OR4M1: variants seen among roughly 807,000 people sequenced by gnomAD.
OR4M1 encodes the protein olfactory receptor 4M1.
A neutral mutation model predicts 9.8 loss-of-function variants in OR4M1; 7 were observed. The observed-to-expected ratio is 0.71, with a 90% CI of 0.41 to 1.34. The LOEUF (loss-of-function observed/expected upper bound fraction) is 1.34. Ranked by LOEUF, OR4M1 falls within the 40% of genes most tolerant of loss-of-function variation. OR4M1 has a pLI of 0.01. For synonymous variants in OR4M1, 121 were observed against 139.8 expected (o/e 0.87, Z 0.95); for missense variants, 331 against 380.4 (o/e 0.87, Z 1.08).
rs1878512805 is a variant in OR4M1 at position 19,781,954 on chromosome 14, G to T, written c.*690G>T. ...GATACATGAGATTCATGTCATTCCAGATGAAGCCTCCAGGCAACTAGCAAT... is the reference window on the plus strand; with the variant it reads ...GATACATGAGATTCATGTCATTCCATATGAAGCCTCCAGGCAACTAGCAAT... On this transcript the variant is annotated 3_prime_UTR_variant, in exon 2 of 2. Transcript: ENST00000641200. The T allele has an allele frequency of 6.6e-6, 1 of 152,360 alleles. No homozygotes were observed. The highest frequency in any genetic ancestry group is 1.5e-5 in the Non-Finnish European group (1 of 68,152). The allele number at this position is 152,360 out of a possible 1,614,324, so 9.4% of individuals were successfully genotyped here. A position where few individuals can be genotyped will look rare whatever the true frequency, so the allele number is the denominator to read the frequency against.
In OR4M1 at chr14:19,777,270, C is replaced by T. The variant is rs574877717; in HGVS notation, c.-29-3024C>T. On this transcript the variant is annotated intron_variant, in intron 1 of 1. Coordinates refer to ENST00000641200, the MANE Select transcript of OR4M1 (RefSeq NM_001005500.2). Reference sequence around the variant, plus strand: ...TCTTATGCTTCTACTAGTTGTGGGTCTTCTACAGTTCTTAGAAAGTCTTTC... The same window carrying T: ...TCTTATGCTTCTACTAGTTGTGGGTTTTCTACAGTTCTTAGAAAGTCTTTC... Among the ~76,000 whole-genome samples, 92 of 151,488 alleles carry T rather than the reference C, an allele frequency of 6.1e-4. 1 individual carries two copies. The highest frequency in any genetic ancestry group is 1.1e-3 in the Non-Finnish European group (76 of 67,764).
chr14:19,780,058 A>G (rs557330651), intron 1 of OR4M1, among the ~76,000 whole-genome samples: 3 of 152,360 alleles, frequency 2.0e-5, no homozygotes, highest in South Asian at 4.1e-4. Context: ...TTTTAACATT[A>G]ACAAGCCGAG....
chr14:19,776,655 A>T (rs1878317436), intron 1 of OR4M1, among the ~76,000 whole-genome samples: 1 of 152,164 alleles, frequency 6.6e-6, no homozygotes, highest in South Asian at 2.1e-4. Flanking sequence ...GTCAATCTTC[A>T]TGAGTGGCTT....
intron 1 of OR4M1, among the ~76,000 whole-genome samples, chr14:19,773,882 C>G (rs1878237723): frequency 1.3e-5 from 2 of 152,194 alleles, no homozygotes; most frequent in Non-Finnish European, 2.9e-5. Context: ...ATTTTATACT[C>G]ATAGGATGAA....
At chr14:19,778,020 G>A (rs1878362719) in intron 1 of OR4M1, among the ~76,000 whole-genome samples, 1 of 152,194 alleles carries the variant, frequency 6.6e-6, no homozygotes, top group Admixed American at 6.5e-5. Context: ...GTGAAGGGTG[G>A]AGGACAGAGA....
intron 1 of OR4M1, among the ~76,000 whole-genome samples, chr14:19,777,515 A>C (rs1319437661): frequency 2.0e-5 from 3 of 151,810 alleles, no homozygotes; most frequent in Non-Finnish European, 4.4e-5. Context: ...TTTATATTTT[A>C]TTTTATTTTT....
chr14:19,782,840 A>T lies in OR4M1; in HGVS notation c.*1576A>T, dbSNP rs1878541822. On this transcript the variant is annotated 3_prime_UTR_variant, in exon 2 of 2. Transcript: ENST00000641200. ...AACATTTTGTAACACAGCATGAAAAAATATAAAGTACAAAAGATATATATA... is the reference window on the plus strand; with the variant it reads ...AACATTTTGTAACACAGCATGAAAATATATAAAGTACAAAAGATATATATA... The T allele has an allele frequency of 6.7e-6, 1 of 148,262 alleles. No individual in the cohort carries two copies. The highest frequency in any genetic ancestry group is 6.9e-5 in the Admixed American group (1 of 14,464). The allele number at this position is 148,262 out of a possible 1,614,324, so 9.2% of individuals were successfully genotyped here. A position where few individuals can be genotyped will look rare whatever the true frequency, so the allele number is the denominator to read the frequency against.
Position 19,783,511 on chromosome 14 carries a change from G to T in OR4M1, c.*2247G>T, listed in dbSNP as rs1878564259. On this transcript the variant is annotated 3_prime_UTR_variant, in exon 2 of 2. Coordinates refer to ENST00000641200, the MANE Select transcript of OR4M1 (RefSeq NM_001005500.2). ...AGGCAGGTTAGTGTAGAAGAAATAGGTGTTAACCTCATATGCAATGTTGTG... is the reference window on the plus strand; with the variant it reads ...AGGCAGGTTAGTGTAGAAGAAATAGTTGTTAACCTCATATGCAATGTTGTG... 1 of 152,256 alleles carries T rather than the reference G, an allele frequency of 6.6e-6. No homozygotes were observed. 9.4% of individuals were successfully genotyped at this position (152,256 alleles called of 1,614,324 possible). A position where few individuals can be genotyped will look rare whatever the true frequency, so the allele number is the denominator to read the frequency against.
chr14:19,776,961 A>G (rs1243767522), intron 1 of OR4M1, among the ~76,000 whole-genome samples: 1 of 146,386 alleles, frequency 6.8e-6, no homozygotes, highest in East Asian at 2.0e-4. Context: ...TATTTTCTAA[A>G]CAAATTATTC....
At chr14:19,776,233 G>A (rs564177672) in intron 1 of OR4M1, among the ~76,000 whole-genome samples, 3 of 152,268 alleles carry the variant, frequency 2.0e-5, no homozygotes, top group Admixed American at 2.0e-4. Context: ...CTCTTCATAG[G>A]ATTTTAGAGG....
chr14:19,779,649 T>TACTACCTG (rs1341898066), intron 1 of OR4M1, among the ~76,000 whole-genome samples: 18 of 152,232 alleles, frequency 1.2e-4, no homozygotes, highest in Non-Finnish European at 2.9e-5. Flanking sequence ...TAGTATCAGG[T>TACTACCTG]ATTGATGAAT....
intron 1 of OR4M1, among the ~76,000 whole-genome samples, chr14:19,775,047 T>G (rs968464386): frequency 1.2e-4 from 18 of 152,258 alleles, no homozygotes; most frequent in African/African-American, 4.3e-4. Context: ...CCGCCCTCGC[T>G]TAACTGCCAT....
intron 1 of OR4M1, among the ~76,000 whole-genome samples, chr14:19,779,801 T>C (rs1878413125): frequency 6.6e-6 from 1 of 152,256 alleles, no homozygotes; most frequent in Non-Finnish European, 1.5e-5. Context: ...TATGAAGCCT[T>C]GGGATCTCTT....
intron 1 of OR4M1, among the ~76,000 whole-genome samples, chr14:19,779,632 C>T (rs916846416): frequency 3.3e-5 from 5 of 152,220 alleles, no homozygotes; most frequent in African/African-American, 1.2e-4. Context: ...AAATTTCATA[C>T]TCAATGTAGT....
chr14:19,779,153 G>T (rs750893596), intron 1 of OR4M1, among the ~76,000 whole-genome samples: 2 of 152,176 alleles, frequency 1.3e-5, no homozygotes, highest in African/African-American at 2.4e-5. Flanking sequence ...CAAAAATGGC[G>T]CATTTAATTT....
rs1257954550 is a variant in OR4M1 at position 19,782,241 on chromosome 14, C to T, written c.*977C>T. 1 of 152,208 alleles carries T rather than the reference C, an allele frequency of 6.6e-6. No homozygotes were observed. Among genetic ancestry groups the T allele is most frequent in the Non-Finnish European group, 1.5e-5 (1 of 68,048 alleles). 9.4% of individuals were successfully genotyped at this position (152,208 alleles called of 1,614,324 possible). On this transcript the variant is annotated 3_prime_UTR_variant, in exon 2 of 2. Transcript: ENST00000641200. ...CCTGGATGTGTTGGTTCCCATGATC[C>T]CTTAGAGAATTATTAGGGACTGATT...
At chr14:19,774,479 C>T (rs533834011) in intron 1 of OR4M1, among the ~76,000 whole-genome samples, 1 of 152,180 alleles carries the variant, frequency 6.6e-6, no homozygotes, top group African/African-American at 2.4e-5. Context: ...TCCATGACCT[C>T]AAGGAGCTCA....
intron 1 of OR4M1, among the ~76,000 whole-genome samples, chr14:19,774,044 G>T (rs79504738): frequency 0.073 from 11,096 of 151,196 alleles, 292 homozygotes; most frequent in Admixed American, 0.11. Context: ...TCTTCTTATA[G>T]TTCTTCAAGA....
intron 1 of OR4M1, among the ~76,000 whole-genome samples, chr14:19,779,346 G>A (rs868624836): frequency 6.6e-6 from 1 of 152,288 alleles, no homozygotes; most frequent in South Asian, 2.1e-4. Flanking sequence ...TTTGCTGTTG[G>A]TTACAACAAA....
Sources: allele counts gnomAD v4.1 joint callset (sites outside exome capture counted in the v4.1 genomes callset), GRCh38; gene constraint gnomAD v4.1.1; transcripts MANE v1.5; gene names NCBI Gene and HGNC (gene_info 2026-07-23, HGNC 2026-07-21).